The following ROCK2 variants were observed in gnomAD, a reference collection of about 807,000 sequenced individuals.
ROCK2 encodes rho-associated protein kinase 2.
Under a neutral mutation model 195.1 loss-of-function variants are expected in ROCK2, and 61 were observed. That is an observed-to-expected ratio of 0.31 (90% CI 0.25 to 0.39). The LOEUF (loss-of-function observed/expected upper bound fraction) is 0.39. ROCK2 is among the 10% of genes least tolerant of loss of function. The pLI is 1.00. For missense variants in ROCK2, 1,109 were observed against 1,637.4 expected (o/e 0.68, Z 5.57); for synonymous variants, 504 against 545.5 (o/e 0.92, Z 1.06).
chr2:11,179,891 G>A lies in ROCK2; in HGVS notation c.*3546C>T, dbSNP rs1045774982. 2 of 151,866 alleles carry A rather than the reference G, an allele frequency of 1.3e-5. No individual in the cohort carries two copies. Among genetic ancestry groups the A allele is most frequent in the African/African-American group, 4.8e-5 (2 of 41,310 alleles). The allele number at this position is 151,866 out of a possible 1,614,324, so 9.4% of individuals were successfully genotyped here. On this transcript the variant is annotated 3_prime_UTR_variant, in exon 33 of 33. Transcript: ENST00000315872. Reference sequence around the variant, plus strand: ...AAGGGGTGCAATTTTTTTCAGAGAGGACAGCTGATCAAATATTTATAATTT... The same window carrying A: ...AAGGGGTGCAATTTTTTTCAGAGAGAACAGCTGATCAAATATTTATAATTT...
intron 3 of ROCK2, among the ~76,000 whole-genome samples, chr2:11,251,713 A>T (rs1558328446): frequency 6.6e-6 from 1 of 152,212 alleles, no homozygotes; most frequent in Non-Finnish European, 1.5e-5. Flanking sequence ...AACTATCATC[A>T]GAGTGAACAG....
At position 11,208,563 on chromosome 2, in the gene ROCK2, T is replaced by C. The variant is rs1572244647; in HGVS notation, c.2204-116A>G. On this transcript the variant is annotated intron_variant, in intron 18 of 32. Transcript: ENST00000315872. ...TACTAATAAAAATTATAATAAATGATGCTGCCTTATATTCTATTAATTTTC... is the reference window on the plus strand; with the variant it reads ...TACTAATAAAAATTATAATAAATGACGCTGCCTTATATTCTATTAATTTTC... 1.9e-5 allele frequency: 9 copies of C among 476,972 alleles called. 1 individual carries two copies. Among genetic ancestry groups the C allele is most frequent in the African/African-American group, 1.8e-4 (9 of 50,002 alleles). 29.5% of individuals were successfully genotyped at this position (476,972 alleles called of 1,614,324 possible).
rs1663447876 is a variant in ROCK2 at position 11,192,134 on chromosome 2, T to C, written c.4163+14A>G. ...AGACTTTTTTTTTTTCCTTACCACA[T>C]TTTAGTTTATTACCTAGGTTTGTTT... On this transcript the variant is annotated intron_variant, in intron 32 of 32. Coordinates refer to ENST00000315872, the MANE Select transcript of ROCK2 (RefSeq NM_004850.5). This position sits in a 1 kb window ranked among gnomAD's most constrained non-coding sequence, Gnocchi z 5.0. 2 of 1,524,828 alleles carry C rather than the reference T, an allele frequency of 1.3e-6. No homozygotes were observed. Among genetic ancestry groups the C allele is most frequent in the South Asian group, 1.2e-5 (1 of 82,118 alleles). 94.5% of individuals were successfully genotyped at this position (1,524,828 alleles called of 1,614,324 possible). A position where few individuals can be genotyped will look rare whatever the true frequency, so the allele number is the denominator to read the frequency against.
At chr2:11,185,764 TAAA>T (rs1663172677) in intron 32 of ROCK2, among the ~76,000 whole-genome samples, 1 of 124,318 alleles carries the variant, frequency 8.0e-6, no homozygotes, top group African/African-American at 2.5e-5. Flanking sequence ...TAAAAATAAA[TAAA>T]TAATAAAAAA....
At chr2:11,195,936 C>T (rs957192260) in intron 27 of ROCK2, among the ~76,000 whole-genome samples, 16 of 152,258 alleles carry the variant, frequency 1.1e-4, no homozygotes, top group East Asian at 7.7e-4. Flanking sequence ...TATGAATCCT[C>T]GGAATTTGTT....
intron 3 of ROCK2, among the ~76,000 whole-genome samples, chr2:11,278,055 T>C (rs1666885289): frequency 6.6e-6 from 1 of 152,222 alleles, no homozygotes. Context: ...CTAATTAACA[T>C]ATAAGCATTA....
chr2:11,240,742 C>A (rs924089147), intron 4 of ROCK2, among the ~76,000 whole-genome samples: 1 of 152,186 alleles, frequency 6.6e-6, no homozygotes, highest in East Asian at 1.9e-4. Context: ...ATACACTTCA[C>A]GCAGGTGAAT....
intron 4 of ROCK2, among the ~76,000 whole-genome samples, chr2:11,245,200 C>T (rs1665570459): frequency 6.7e-6 from 1 of 149,870 alleles, no homozygotes; most frequent in Admixed American, 6.7e-5. Context: ...TTATACTTTG[C>T]TTGATGTATA....
rs1183065446 is a variant in ROCK2, at chr2:11,201,299, C to T, written c.2723+11G>A. The T allele has an allele frequency of 2.5e-6, 4 of 1,585,036 alleles. No homozygotes were observed. The highest frequency in any genetic ancestry group is 2.6e-6 in the Non-Finnish European group (3 of 1,154,366). On this transcript the variant is annotated intron_variant, in intron 22 of 32. Transcript: ENST00000315872. The surrounding 1 kb of genome is among the most constrained non-coding windows in gnomAD (Gnocchi z 4.6). ...GCTATGAACAAAAAGAGACAAGGGT[C>T]TCATACTTACCGTTCATCCTGTAAT... is the stretch of plus-strand genomic sequence containing the variant.
At chr2:11,275,400 T>C (rs1469864658) in intron 3 of ROCK2, among the ~76,000 whole-genome samples, 3 of 152,160 alleles carry the variant, frequency 2.0e-5, no homozygotes, top group East Asian at 3.8e-4. Context: ...GCAACTGAAA[T>C]TGTAGAAAGC....
intron 3 of ROCK2, among the ~76,000 whole-genome samples, chr2:11,266,173 T>C (rs971498786): frequency 6.6e-6 from 1 of 152,232 alleles, no homozygotes; most frequent in Non-Finnish European, 1.5e-5. Flanking sequence ...TAACAATGCC[T>C]TCTCCTGGAA....
At chr2:11,257,977 A>G (rs776511220) in intron 3 of ROCK2, among the ~76,000 whole-genome samples, 1 of 151,496 alleles carries the variant, frequency 6.6e-6, no homozygotes, top group Non-Finnish European at 1.5e-5. Context: ...GTGGTAACAC[A>G]TCTACCAGAT....
chr2:11,248,755 A>G (rs574136406), intron 4 of ROCK2, among the ~76,000 whole-genome samples: 1 of 149,602 alleles, frequency 6.7e-6, no homozygotes, highest in East Asian at 2.0e-4. Context: ...ATGAAGGCAA[A>G]GCAGAACCAT....
chr2:11,268,812 C>G (rs1369884560), intron 3 of ROCK2, among the ~76,000 whole-genome samples: 1 of 152,146 alleles, frequency 6.6e-6, no homozygotes, highest in Non-Finnish European at 1.5e-5. Flanking sequence ...CTTGGATATT[C>G]ATGGCTTTCA....
chr2:11,186,614 T>C (rs1275899674), intron 32 of ROCK2, among the ~76,000 whole-genome samples: 1 of 152,212 alleles, frequency 6.6e-6, no homozygotes, highest in East Asian at 1.9e-4. Context: ...CTTCTACTTA[T>C]AAATCAAAAC....
rs139147699 is a variant in ROCK2 at position 11,186,656 on chromosome 2, T to C, written c.4164-3216A>G. 3.3e-5 allele frequency among the ~76,000 whole-genome samples: 5 copies of C among 152,224 alleles called. No homozygotes were observed. The East Asian group carries it at 9.7e-4, about 29-fold the overall frequency. Reference sequence around the variant, plus strand: ...GCACAGTGTACATGGAGCTTTTCAGTTGGGTTCAGACTTTCTCTCTAGTGT... The same window carrying C: ...GCACAGTGTACATGGAGCTTTTCAGCTGGGTTCAGACTTTCTCTCTAGTGT... On this transcript the variant is annotated intron_variant, in intron 32 of 32. Coordinates refer to ENST00000315872, the MANE Select transcript of ROCK2 (RefSeq NM_004850.5).
rs4027163 is a variant in ROCK2 at position 11,182,952 on chromosome 2, CTATATATATA to C, written c.*475_*484del. On this transcript the variant is annotated 3_prime_UTR_variant, in exon 33 of 33. Transcript: ENST00000315872. ...AAAACCTTCTTGCAGTATTAGAGTA[CTATATATATA>C]TATATATATGTGTGTGTGTTTATAT... is the stretch of plus-strand genomic sequence containing the variant. 1 of 148,738 alleles carries C rather than the reference CTATATATATA, an allele frequency of 6.7e-6. No homozygotes were observed. Among genetic ancestry groups the C allele is most frequent in the Admixed American group, 6.7e-5 (1 of 14,860 alleles). 9.2% of individuals were successfully genotyped at this position (148,738 alleles called of 1,614,324 possible). A position where few individuals can be genotyped will look rare whatever the true frequency, so the allele number is the denominator to read the frequency against.
At chr2:11,328,866 A>G (rs1445744236) in intron 1 of ROCK2, among the ~76,000 whole-genome samples, 1 of 144,618 alleles carries the variant, frequency 6.9e-6, no homozygotes, top group Non-Finnish European at 1.5e-5. Flanking sequence ...GAACTGAACA[A>G]TGAGAACACA....
intron 3 of ROCK2, among the ~76,000 whole-genome samples, chr2:11,269,622 A>G (rs796070248): frequency 3.2e-4 from 48 of 152,000 alleles, no homozygotes; most frequent in African/African-American, 1.1e-3. Context: ...GCCTATATAC[A>G]TTTTCCTGTT....
Sources: allele counts gnomAD v4.1 joint callset (sites outside exome capture counted in the v4.1 genomes callset), GRCh38; gene constraint gnomAD v4.1.1; non-coding constraint Gnocchi (gnomAD v3.1); transcripts MANE v1.5; gene names NCBI Gene and HGNC (gene_info 2026-07-23, HGNC 2026-07-21).